Variants in SHC3 observed in about 807,000 individuals in gnomAD.
The protein encoded by SHC3 is SHC-transforming protein 3.
SHC3 carries 15 observed loss-of-function variants against 60.4 expected under a neutral mutation model. The observed-to-expected ratio is 0.25, with a 90% CI of 0.17 to 0.38. The LOEUF (loss-of-function observed/expected upper bound fraction) is 0.38. Among genes scored for constraint, SHC3 ranks in the 10% least tolerant of loss-of-function variants. The probability of loss-of-function intolerance (pLI) is 1.00; values close to 1 mark genes in which losing one functional copy is unlikely to be tolerated. For synonymous variants in SHC3, 294 were observed against 325.9 expected, an observed-to-expected ratio of 0.90 and a Z score of 1.05; for missense variants, 677 against 786.1, an observed-to-expected ratio of 0.86 and a Z score of 1.66.
chr9:89,072,243 G>T (rs1272319614), intron 4 of SHC3, among the ~76,000 whole-genome samples: 3 of 152,128 alleles, frequency 2.0e-5, no homozygotes, highest in Non-Finnish European at 4.4e-5. Context: ...CATGGACCTG[G>T]TTATGTCTGA....
At chr9:89,144,942 C>A (rs1310772001) in intron 1 of SHC3, among the ~76,000 whole-genome samples, 2 of 151,992 alleles carry the variant, frequency 1.3e-5, no homozygotes, top group African/African-American at 2.4e-5. Flanking sequence ...CGGCAGCATC[C>A]TAAAATACAA....
At chr9:89,016,346 G>C (rs1327153906) in intron 11 of SHC3, among the ~76,000 whole-genome samples, 1 of 152,100 alleles carries the variant, frequency 6.6e-6, no homozygotes, top group Admixed American at 6.5e-5. Flanking sequence ...ACATATGATA[G>C]GTTTATTGGG....
intron 7 of SHC3, among the ~76,000 whole-genome samples, chr9:89,048,844 C>A (rs557447758): frequency 1.2e-4 from 18 of 152,268 alleles, no homozygotes; most frequent in Admixed American, 1.0e-3. Context: ...AGATCCCCGT[C>A]ACCCCGCTCT....
chr9:89,123,883 G>A (rs540484143), intron 1 of SHC3, among the ~76,000 whole-genome samples: 8 of 152,122 alleles, frequency 5.3e-5, no homozygotes, highest in African/African-American at 1.9e-4. Flanking sequence ...TGCTAGACCT[G>A]ATGGAAAATC....
intron 1 of SHC3, among the ~76,000 whole-genome samples, chr9:89,170,793 T>C (rs983454523): frequency 6.6e-6 from 1 of 152,238 alleles, no homozygotes; most frequent in African/African-American, 2.4e-5. Flanking sequence ...CAAATATTTG[T>C]GTAGCATTTA....
chr9:89,038,342 T>TAAAAAA lies in SHC3; in HGVS notation c.1361-60_1361-55dup, dbSNP rs4061828. 2.1e-5 allele frequency: 26 copies of TAAAAAA among 1,232,102 alleles called. No individual in the cohort carries two copies. In the African/African-American group the frequency reaches 4.5e-4, roughly 21 times the overall value. 76.3% of individuals were successfully genotyped at this position (1,232,102 alleles called of 1,614,324 possible). On this transcript the variant is annotated intron_variant, in intron 10 of 11. Coordinates refer to ENST00000375835, the MANE Select transcript of SHC3 (RefSeq NM_016848.6). ...AGTCAATCCCAAGAAGAGCAAATGA[T>TAAAAAA]AAAAAAAAAAAAAAAAAAATACAGT...
chr9:89,105,430 T>A (rs1204441105), intron 2 of SHC3, among the ~76,000 whole-genome samples: 1 of 152,164 alleles, frequency 6.6e-6, no homozygotes, highest in Non-Finnish European at 1.5e-5. Flanking sequence ...ACACACACCC[T>A]CATCGCTATC....
At chr9:89,161,493 C>T (rs1027201671) in intron 1 of SHC3, among the ~76,000 whole-genome samples, 4 of 152,130 alleles carry the variant, frequency 2.6e-5, no homozygotes, top group African/African-American at 7.2e-5. Flanking sequence ...CACAGCAATG[C>T]GAGAATGGGC....
At chr9:89,097,143 C>G (rs905811638) in intron 2 of SHC3, among the ~76,000 whole-genome samples, 1 of 147,416 alleles carries the variant, frequency 6.8e-6, no homozygotes, top group African/African-American at 2.5e-5. Flanking sequence ...AACAAGGCCA[C>G]AAGCCATCTC....
At chr9:89,172,241 G>A (rs17080844) in intron 1 of SHC3, among the ~76,000 whole-genome samples, 32,048 of 151,942 alleles carry the variant, frequency 0.21, 3,530 homozygotes, top group African/African-American at 0.26. Context: ...ATTTATAACC[G>A]TGACTGCTCT....
chr9:89,024,129 T>C (rs776401441), intron 11 of SHC3, among the ~76,000 whole-genome samples: 1 of 152,100 alleles, frequency 6.6e-6, no homozygotes, highest in Non-Finnish European at 1.5e-5. Flanking sequence ...CCCCCTCTCA[T>C]GGTCCAATCA....
chr9:89,152,632 T>A (rs371392223), intron 1 of SHC3, among the ~76,000 whole-genome samples: 1 of 152,352 alleles, frequency 6.6e-6, no homozygotes, highest in South Asian at 2.1e-4. Context: ...GATATTGGCA[T>A]TGGAATAATG....
chr9:89,149,937 A>G (rs1826521824), intron 1 of SHC3, among the ~76,000 whole-genome samples: 1 of 152,200 alleles, frequency 6.6e-6, no homozygotes, highest in African/African-American at 2.4e-5. Flanking sequence ...CAGGCTGCCT[A>G]TACTACCCAT....
At chr9:89,113,396 A>G (rs1034564877) in intron 1 of SHC3, among the ~76,000 whole-genome samples, 4 of 152,170 alleles carry the variant, frequency 2.6e-5, no homozygotes, top group African/African-American at 9.7e-5. Context: ...TAGCAGAAGG[A>G]GATCTCATGG....
chr9:89,037,545 G>C (rs958073635), intron 11 of SHC3: 7 of 716,746 alleles, frequency 9.8e-6, no homozygotes, highest in Middle Eastern at 2.3e-4. Context: ...GAAAACAAGA[G>C]ACTTAGCAAT....
At chr9:89,051,337 T>G (rs1824858414) in intron 7 of SHC3, among the ~76,000 whole-genome samples, 1 of 152,254 alleles carries the variant, frequency 6.6e-6, no homozygotes, top group Non-Finnish European at 1.5e-5. Flanking sequence ...TAATGCTTGA[T>G]GCTGTATGGA....
chr9:89,149,154 T>A (rs1010330328), intron 1 of SHC3, among the ~76,000 whole-genome samples: 7 of 152,164 alleles, frequency 4.6e-5, no homozygotes, highest in African/African-American at 1.4e-4. Context: ...TTCTAAACAA[T>A]GACTAGTCTC....
chr9:89,073,447 C>A (rs1825305880), intron 4 of SHC3, among the ~76,000 whole-genome samples: 1 of 152,190 alleles, frequency 6.6e-6, no homozygotes, highest in South Asian at 2.1e-4. Flanking sequence ...GCTGCTGTCT[C>A]ACTGGATGGA....
intron 2 of SHC3, among the ~76,000 whole-genome samples, chr9:89,103,454 C>T (rs1177026502): frequency 6.6e-6 from 1 of 152,090 alleles, no homozygotes; most frequent in African/African-American, 2.4e-5. Flanking sequence ...TGTTGCAGAG[C>T]CAGGACTCAG....
Sources: gnomAD v4.1 joint callset for allele counts (sites outside exome capture counted in the v4.1 genomes callset) on GRCh38, gnomAD v4.1.1 for gene constraint, MANE v1.5 for transcripts, NCBI Gene and HGNC (gene_info 2026-07-23, HGNC 2026-07-21) for gene names.